Variants in SLC23A2 observed in about 807,000 individuals in gnomAD.
SLC23A2 encodes solute carrier family 23 member 2.
SLC23A2 carries 36 observed loss-of-function variants against 73.3 expected under a neutral mutation model. That is an observed-to-expected ratio of 0.49 (90% CI 0.38 to 0.65). The LOEUF (loss-of-function observed/expected upper bound fraction) is 0.65, where lower values mean the gene tolerates loss of function less well. Among genes scored for constraint, SLC23A2 ranks in the 30% least tolerant of loss-of-function variants. The pLI is 0.00. For missense variants in SLC23A2, 507 were observed against 841.6 expected (o/e 0.60, Z 4.92); for synonymous variants, 343 against 327.3 (o/e 1.05, Z -0.52).
chr20:4,994,833 C>A (rs2087991949), intron 1 of SLC23A2, among the ~76,000 whole-genome samples: 1 of 151,928 alleles, frequency 6.6e-6, no homozygotes, highest in Admixed American at 6.6e-5. Flanking sequence ...ACTCAGGAGG[C>A]TGAGGCAGGA....
intron 15 of SLC23A2, 38 bp from the exon 16 acceptor site, chr20:4,859,422 AG>A: frequency 7.4e-7 from 1 of 1,349,356 alleles, no homozygotes; most frequent in South Asian, 1.2e-5. Context: ...TCAGTGCCAC[AG>A]CAGCGGTGAG....
At chr20:4,918,836 T>G (rs1235165222) in intron 3 of SLC23A2, among the ~76,000 whole-genome samples, 1 of 152,202 alleles carries the variant, frequency 6.6e-6, no homozygotes, top group African/African-American at 2.4e-5. Flanking sequence ...AACCAATCGC[T>G]TTCAGAATAG....
At chr20:4,882,715 G>A (rs1213930450) in intron 9 of SLC23A2, among the ~76,000 whole-genome samples, 1 of 152,136 alleles carries the variant, frequency 6.6e-6, no homozygotes, top group Non-Finnish European at 1.5e-5. Context: ...ATAACACTAG[G>A]ATGTGCCTTA....
intron 1 of SLC23A2, among the ~76,000 whole-genome samples, chr20:4,993,531 A>C (rs889606773): frequency 6.6e-6 from 1 of 152,098 alleles, no homozygotes; most frequent in African/African-American, 2.4e-5. Flanking sequence ...AAAACAATGT[A>C]TCTAGTAGCA....
At chr20:4,975,654 T>C (rs2087632805) in intron 1 of SLC23A2, among the ~76,000 whole-genome samples, 1 of 151,358 alleles carries the variant, frequency 6.6e-6, no homozygotes, top group Non-Finnish European at 1.5e-5. Flanking sequence ...GTGCTGGGAT[T>C]ACGGGCGTGA....
At chr20:4,995,658 T>C (rs953136071) in intron 1 of SLC23A2, among the ~76,000 whole-genome samples, 1 of 152,186 alleles carries the variant, frequency 6.6e-6, no homozygotes, top group Non-Finnish European at 1.5e-5. Context: ...AAAGTCATCC[T>C]GGAACACAGC....
At position 4,873,993 on chromosome 20, in the gene SLC23A2, T is replaced by A. The variant is rs148249953; in HGVS notation, c.1045A>T (p.Thr349Ser). 1 of 1,613,998 alleles carries A rather than the reference T, an allele frequency of 6.2e-7. No homozygotes were observed. The highest frequency in any genetic ancestry group is 8.5e-7 in the Non-Finnish European group (1 of 1,180,018). The change falls in exon 11 of 17, where the codon ACA becomes TCA. Residue 349 changes from threonine (T) to serine (S), a missense_variant. Thr to Ser is a moderately conservative substitution (Grantham distance 58). This residue lies in a region of SLC23A2 where 217 missense variants were observed against 398.0 expected (regional missense o/e 0.55). Coordinates refer to ENST00000338244, the MANE Select transcript of SLC23A2 (RefSeq NM_005116.6). ...DSTKYGFYAR[T>S]DARQGVLLVA... ...AGAAGCACGCCTTGCCTGGCATCTG[T>A]GCGAGCATAGAAGCCATACTTTGTG...
intron 1 of SLC23A2, among the ~76,000 whole-genome samples, chr20:5,000,875 C>A (rs980881939): frequency 1.3e-5 from 2 of 152,198 alleles, no homozygotes; most frequent in South Asian, 4.1e-4. Context: ...TTACTTCGCG[C>A]AGTCTTTGTA....
chr20:4,946,445 T>C (rs1006581333), intron 2 of SLC23A2, among the ~76,000 whole-genome samples: 3 of 152,164 alleles, frequency 2.0e-5, no homozygotes, highest in Admixed American at 2.0e-4. Flanking sequence ...CGTGGGAAAT[T>C]TTCCTGAAAC....
At position 4,889,995 on chromosome 20, in the gene SLC23A2, G is replaced by A. The variant is rs1477060404; in HGVS notation, c.483-4086C>T. Among the ~76,000 whole-genome samples, 18 of 152,204 alleles carry A rather than the reference G, an allele frequency of 1.2e-4. No individual in the cohort carries two copies. The South Asian group carries it at 3.3e-3, about 28-fold the overall frequency. On this transcript the variant is annotated intron_variant, in intron 6 of 16. Coordinates refer to ENST00000338244, the MANE Select transcript of SLC23A2 (RefSeq NM_005116.6). The stretch of plus-strand genomic sequence containing the variant: ...TCAACCAGATAAGCCTCCAGATGCC[G>A]GGCGGCTTGCAGTCCTCCTCTGGTG...
chr20:4,886,312 A>G (rs1213045643), intron 6 of SLC23A2, among the ~76,000 whole-genome samples: 1 of 152,182 alleles, frequency 6.6e-6, no homozygotes, highest in Non-Finnish European at 1.5e-5. Context: ...TCCTCCCTTT[A>G]AAATTCTTAT....
At chr20:5,007,297 G>A (rs2088202054) in intron 1 of SLC23A2, among the ~76,000 whole-genome samples, 2 of 152,114 alleles carry the variant, frequency 1.3e-5, no homozygotes, top group South Asian at 2.1e-4. Flanking sequence ...CTGGGAGGCC[G>A]ACACAGGTGG....
intron 9 of SLC23A2, among the ~76,000 whole-genome samples, chr20:4,879,366 C>T (rs1224411308): frequency 7.1e-6 from 1 of 140,740 alleles, no homozygotes; most frequent in Non-Finnish European, 1.5e-5. Flanking sequence ...CGAGATTGCC[C>T]CACTGCACTC....
At chr20:4,966,747 G>C (rs1209248206) in intron 2 of SLC23A2, among the ~76,000 whole-genome samples, 1 of 151,128 alleles carries the variant, frequency 6.6e-6, no homozygotes, top group African/African-American at 2.4e-5. Flanking sequence ...TGCTATTTCA[G>C]TGCACACAAC....
intron 2 of SLC23A2, among the ~76,000 whole-genome samples, chr20:4,941,242 G>C (rs183767778): frequency 1.3e-5 from 2 of 151,926 alleles, no homozygotes; most frequent in East Asian, 3.9e-4. Flanking sequence ...ACAATACGTC[G>C]GTCAGGCATG....
intron 7 of SLC23A2, among the ~76,000 whole-genome samples, chr20:4,885,423 T>C (rs1729318466): frequency 6.6e-6 from 1 of 152,192 alleles, no homozygotes; most frequent in African/African-American, 2.4e-5. Context: ...CAAACCACAG[T>C]AGCCAGATCC....
rs951970975 is a variant in SLC23A2, at chr20:4,870,143, G to A, written c.1103-90C>T. ...CCCAAAGTCATTCTGAACGCTGCAA[G>A]ACTCTACAAGATCCACTTGGATTCT... On this transcript the variant is annotated intron_variant, in intron 11 of 16. Transcript: ENST00000338244. The A allele has an allele frequency of 2.9e-5, 31 of 1,056,960 alleles. No individual in the cohort carries two copies. The African/African-American group carries it at 4.3e-4, about 15-fold the overall frequency. 65.5% of individuals were successfully genotyped at this position (1,056,960 alleles called of 1,614,324 possible).
chr20:4,933,213 A>AT (rs150977387), intron 2 of SLC23A2, among the ~76,000 whole-genome samples: 11,900 of 152,238 alleles, frequency 0.078, 534 homozygotes, highest in Middle Eastern at 0.13. Flanking sequence ...GGCAATGCGG[A>AT]TACAGCCAAT....
chr20:4,929,361 C>T (rs1243609885), intron 3 of SLC23A2, among the ~76,000 whole-genome samples: 1 of 152,104 alleles, frequency 6.6e-6, no homozygotes, highest in African/African-American at 2.4e-5. Context: ...AGCCCTAAGC[C>T]AGGCAGCCTC....
Sources: allele counts gnomAD v4.1 joint callset (sites outside exome capture counted in the v4.1 genomes callset), GRCh38; gene constraint gnomAD v4.1.1; regional missense constraint gnomAD v4.1.1; transcripts MANE v1.5; gene names NCBI Gene and HGNC (gene_info 2026-07-23, HGNC 2026-07-21).